Variants in MICALL2 observed in about 807,000 individuals in gnomAD.
MICALL2 encodes MICAL-like protein 2.
MICALL2 carries 111 observed loss-of-function variants against 91.1 expected under a neutral mutation model. That is an observed-to-expected ratio of 1.22 (90% CI 1.04 to 1.43). The LOEUF (loss-of-function observed/expected upper bound fraction) is 1.43, where lower values mean the gene tolerates loss of function less well. Among genes scored for constraint, MICALL2 ranks in the 40% most tolerant of loss-of-function variants. The pLI is 0.00. For missense variants in MICALL2, 1,556 were observed against 1,236.0 expected (o/e 1.26, Z -3.88); for synonymous variants, 694 against 525.3 (o/e 1.32, Z -4.39).
At position 1,440,097 on chromosome 7, in the gene MICALL2, G is replaced by A; in HGVS notation, c.1806-12C>T. On this transcript the variant is annotated splice_polypyrimidine_tract_variant and intron_variant, in intron 8 of 16. Coordinates refer to ENST00000297508, the MANE Select transcript of MICALL2 (RefSeq NM_182924.4). ...TGGGCTTCAGAGTCCTGGGCAGAAG[G>A]CATGAGGTCGGAACCCGAACCACCA... 1 of 1,584,756 alleles carries A rather than the reference G, an allele frequency of 6.3e-7. No individual in the cohort carries two copies. The highest frequency in any genetic ancestry group is 1.2e-5 in the South Asian group (1 of 86,174).
chr7:1,444,963 TG>T lies in MICALL2; in HGVS notation c.1106del (p.Pro369GlnfsTer128). The T allele has an allele frequency of 1.3e-6, 2 of 1,510,602 alleles. No homozygotes were observed. The allele number at this position is 1,510,602 out of a possible 1,614,324, so 93.6% of individuals were successfully genotyped here. On this transcript the variant is annotated frameshift_variant, in exon 6 of 17. Coordinates refer to ENST00000297508, the MANE Select transcript of MICALL2 (RefSeq NM_182924.4). LOFTEE classifies it high-confidence loss of function. Reference protein sequence around the residue: ...ASHPAVPPSAPDPRPATPQGG... With the variant: ...ASHPAVPPSAXDPRPATPQGG... Reference sequence around the variant, plus strand: ...CCTGGGGTGTGGCCGGGCGAGGGTCTGGGGCACTCGGGGGCACGGCGGGATG... The same window carrying T: ...CCTGGGGTGTGGCCGGGCGAGGGTCTGGGCACTCGGGGGCACGGCGGGATG...
rs770881529 is a variant in MICALL2 at position 1,442,187 on chromosome 7, C to T, written c.1711+5G>A. The T allele has an allele frequency of 7.4e-6, 12 of 1,611,960 alleles. No individual in the cohort carries two copies. The highest frequency in any genetic ancestry group is 8.5e-6 in the Non-Finnish European group (10 of 1,179,728). On this transcript the variant is annotated splice_donor_5th_base_variant and intron_variant, in intron 7 of 16. Coordinates refer to ENST00000297508, the MANE Select transcript of MICALL2 (RefSeq NM_182924.4). ...GGGCCTCCTGCCTCCCAGCCCCTTA[C>T]TCACCCTGCGTTAAGGTGGTGCTTT... is the stretch of plus-strand genomic sequence containing the variant.
At chr7:1,448,857 G>T in intron 2 of MICALL2, 96 bp from the exon 3 acceptor site, 1 of 1,462,808 alleles carries the variant, frequency 6.8e-7, no homozygotes, top group Non-Finnish European at 9.3e-7. Context: ...CAGTCTTGGA[G>T]CCCAAAGAGG....
intron 16 of MICALL2, 39 bp from the exon 17 acceptor site, chr7:1,434,711 G>A (rs748968424): frequency 5.4e-5 from 82 of 1,513,382 alleles, no homozygotes; most frequent in East Asian, 6.8e-5. Flanking sequence ...GCTCAACGCC[G>A]CAGCCGCACA....
chr7:1,434,689 C>G lies in MICALL2; in HGVS notation c.2639-17G>C. On this transcript the variant is annotated splice_polypyrimidine_tract_variant and intron_variant, in intron 16 of 16. Transcript: ENST00000297508. Reference sequence around the variant, plus strand: ...TCTGGAGGCCTAGGGGACAGGTGGACAGTGAGGCCGTGCTCAACGCCGCAG... The same window carrying G: ...TCTGGAGGCCTAGGGGACAGGTGGAGAGTGAGGCCGTGCTCAACGCCGCAG... 6.5e-7 allele frequency: 1 copy of G among 1,539,450 alleles called. No individual in the cohort carries two copies. Among genetic ancestry groups the G allele is most frequent in the Non-Finnish European group, 8.7e-7 (1 of 1,147,232 alleles).
At chr7:1,458,934 A>C (rs1296114608) in intron 1 of MICALL2, among the ~76,000 whole-genome samples, 3 of 152,222 alleles carry the variant, frequency 2.0e-5, no homozygotes, top group African/African-American at 7.2e-5. Flanking sequence ...GCCAGGGCCC[A>C]GGAGCCGCCC....
intron 1 of MICALL2, among the ~76,000 whole-genome samples, chr7:1,453,846 G>C (rs996710201): frequency 2.0e-5 from 3 of 152,236 alleles, no homozygotes; most frequent in Non-Finnish European, 2.9e-5. Context: ...AAATGCGTGT[G>C]ATGCATTTGT....
chr7:1,450,384 G>A (rs1023805200), intron 1 of MICALL2, 96 bp from the exon 2 acceptor site: 39 of 1,032,184 alleles, frequency 3.8e-5, no homozygotes, highest in African/African-American at 6.3e-5. Context: ...CAGAGAAACC[G>A]AGGCCAGGAT....
At position 1,442,420 on chromosome 7, in the gene MICALL2, G is replaced by T. The variant is rs757116054; in HGVS notation, c.1483C>A (p.Pro495Thr). 1.4e-5 allele frequency: 22 copies of T among 1,581,144 alleles called. No homozygotes were observed. In the African/African-American group the frequency reaches 2.7e-4, roughly 19 times the overall value. ...GAGGACTGTAACGGCTTGGCTAAGG[G>T]ACTTGCTTGTGGTGCTTCAGTTTTG... ...QPKTEAPQAS[P>T]LAKPLQSSSP... Residue 495 changes from proline (P) to threonine (T), a missense_variant, in exon 7 of 17, where the codon CCC (proline) becomes ACC (threonine). Pro to Thr is a conservative substitution (Grantham distance 38, BLOSUM62 -1). Coordinates refer to ENST00000297508, the MANE Select transcript of MICALL2 (RefSeq NM_182924.4).
chr7:1,443,518 G>C (rs1780413457), intron 6 of MICALL2, among the ~76,000 whole-genome samples: 1 of 152,234 alleles, frequency 6.6e-6, no homozygotes, highest in Non-Finnish European at 1.5e-5. Flanking sequence ...GGGAAGCTCA[G>C]AGTGTGACCT....
Position 1,451,459 on chromosome 7 carries a change from G to A in MICALL2, c.144-1171C>T, listed in dbSNP as rs913216495. Among the ~76,000 whole-genome samples, 4 of 152,218 alleles carry A rather than the reference G, an allele frequency of 2.6e-5. No homozygotes were observed. Among genetic ancestry groups the A allele is most frequent in the Non-Finnish European group, 5.9e-5 (4 of 68,034 alleles). On this transcript the variant is annotated intron_variant, in intron 1 of 16. Transcript: ENST00000297508. The surrounding 1 kb of genome is among the most constrained non-coding windows in gnomAD (Gnocchi z 4.5). ...AGGCAGAAGGATTGCTTGAGCCCAGGAATTCGAGATCAGCCTGGGTAACAC... is the reference window on the plus strand; with the variant it reads ...AGGCAGAAGGATTGCTTGAGCCCAGAAATTCGAGATCAGCCTGGGTAACAC...
chr7:1,437,968 T>TC lies in MICALL2; in HGVS notation c.2323dup (p.Asp775GlyfsTer2), dbSNP rs1780058312. The stretch of plus-strand genomic sequence containing the variant: ...CCAGAACCAGTCCACCATGAGGCTA[T>TC]CCTCAGCGTCATCTGGGGAGAGGAG... On this transcript the variant is annotated frameshift_variant, in exon 13 of 17. Coordinates refer to ENST00000297508, the MANE Select transcript of MICALL2 (RefSeq NM_182924.4). LOFTEE classifies it high-confidence loss of function. The TC allele has an allele frequency of 6.5e-7, 1 of 1,550,334 alleles. No homozygotes were observed. The highest frequency in any genetic ancestry group is 8.7e-7 in the Non-Finnish European group (1 of 1,147,312).
chr7:1,456,820 A>G (rs1400452572), intron 1 of MICALL2, among the ~76,000 whole-genome samples: 1 of 151,630 alleles, frequency 6.6e-6, no homozygotes, highest in East Asian at 1.9e-4. Flanking sequence ...ATGTCCCCAC[A>G]CCCTGGTGCA....
chr7:1,440,016 T>C lies in MICALL2; in HGVS notation c.1875A>G (p.Ser625=), dbSNP rs1780203356. ...PRAGEAPRKV[S]GSFAGSVHIT... is the part of the protein sequence containing the mutation. ...TGTGGACACTCCCAGCAAAGCTGCC[T>C]GAGACCTTCCTGGGGGCCTCCCCCG... Residue 625 remains serine (S), a synonymous_variant, in exon 9 of 17, where the codon TCA becomes TCG. Coordinates refer to ENST00000297508, the MANE Select transcript of MICALL2 (RefSeq NM_182924.4). 6.4e-7 allele frequency: 1 copy of C among 1,570,492 alleles called. No homozygotes were observed. The highest frequency in any genetic ancestry group is 8.6e-7 in the Non-Finnish European group (1 of 1,166,520).
rs1472009908 is a variant in MICALL2 at position 1,446,539 on chromosome 7, G to T, written c.641+174C>A. Reference sequence around the variant, plus strand: ...AGAAGAGGGAGAAGGGGAGGAGAGGGGAGGAGGCGGGAGGAGGGGAGACGG... The same window carrying T: ...AGAAGAGGGAGAAGGGGAGGAGAGGTGAGGAGGCGGGAGGAGGGGAGACGG... On this transcript the variant is annotated intron_variant, in intron 5 of 16. Transcript: ENST00000297508. The T allele has an allele frequency of 1.1e-5, 6 of 560,510 alleles. No individual in the cohort carries two copies. The African/African-American group carries it at 1.4e-4, about 13-fold the overall frequency. 34.7% of individuals were successfully genotyped at this position (560,510 alleles called of 1,614,324 possible). A position where few individuals can be genotyped will look rare whatever the true frequency, so the allele number is the denominator to read the frequency against.
rs1028161367 is a variant in MICALL2 at position 1,445,110 on chromosome 7, G to T, written c.960C>A (p.Ala320=). 5 of 1,555,452 alleles carry T rather than the reference G, an allele frequency of 3.2e-6. No individual in the cohort carries two copies. In the African/African-American group the frequency reaches 6.8e-5, roughly 21 times the overall value. The change falls in exon 6 of 17, where the codon GCC becomes GCA. Residue 320 remains alanine (A), a synonymous_variant. Coordinates refer to ENST00000297508, the MANE Select transcript of MICALL2 (RefSeq NM_182924.4). ...GGGCCAGGCGGCTCTCAGAGGGCCT[G>T]GCTGGGCTCCTCACGTGGACGGACG... ...SATSVHVRSP[A]RPSESRLAPT... is the part of the protein sequence containing the mutation.
In MICALL2 at chr7:1,444,423, G is replaced by A. The variant is rs937490832; in HGVS notation, c.1418+229C>T. 4.6e-5 allele frequency among the ~76,000 whole-genome samples: 7 copies of A among 152,250 alleles called. No individual in the cohort carries two copies. The East Asian group carries it at 5.8e-4, about 13-fold the overall frequency. ...CACCCATGACGCCCCGAGCACATGC[G>A]GACAGCAGCTTTTCCATAAGGACCC... is the stretch of plus-strand genomic sequence containing the variant. On this transcript the variant is annotated intron_variant, in intron 6 of 16. Coordinates refer to ENST00000297508, the MANE Select transcript of MICALL2 (RefSeq NM_182924.4).
At chr7:1,454,803 C>T (rs542480229) in intron 1 of MICALL2, among the ~76,000 whole-genome samples, 2 of 152,264 alleles carry the variant, frequency 1.3e-5, no homozygotes, top group African/African-American at 4.8e-5. Flanking sequence ...TCTCCCCTGG[C>T]CCCCAACAAT....
At chr7:1,439,663 ACATG>A (rs1181531091) in intron 9 of MICALL2, 1 of 392,358 alleles carries the variant, frequency 2.5e-6, no homozygotes, top group Middle Eastern at 6.2e-4. Flanking sequence ...TGCATCACAC[ACATG>A]AACACAGATG....
Sources: allele counts gnomAD v4.1 joint callset (sites outside exome capture counted in the v4.1 genomes callset), GRCh38; gene constraint gnomAD v4.1.1; non-coding constraint Gnocchi (gnomAD v3.1); transcripts MANE v1.5; gene names NCBI Gene and HGNC (gene_info 2026-07-23, HGNC 2026-07-21).